Variants in ERBB4 observed in about 807,000 individuals in gnomAD.
ERBB4 encodes erb-b2 receptor tyrosine kinase 4, also known as receptor tyrosine-protein kinase erbB-4.
ERBB4 carries 42 observed loss-of-function variants against 158.0 expected under a neutral mutation model. The ratio of observed to expected loss-of-function variants is 0.27; its 90% CI spans 0.21 to 0.34. The LOEUF (loss-of-function observed/expected upper bound fraction) is 0.34. Ranked by LOEUF, ERBB4 falls within the 10% of genes least tolerant of loss-of-function variation. The pLI, the probability that ERBB4 is intolerant of heterozygous loss-of-function variation, is 1.00. For synonymous variants in ERBB4, 583 were observed against 558.7 expected (o/e 1.04, Z -0.61); for missense variants, 1,333 against 1,624.1 (o/e 0.82, Z 3.08).
chr2:211,515,913 T>TA (rs71054105), intron 20 of ERBB4, among the ~76,000 whole-genome samples: 3,672 of 56,956 alleles, frequency 0.064, 64 homozygotes, highest in South Asian at 0.086. Flanking sequence ...TATATATATA[T>TA]TTTTTTTTTT....
At chr2:211,590,133 G>A (rs1329823765) in intron 19 of ERBB4, among the ~76,000 whole-genome samples, 2 of 152,128 alleles carry the variant, frequency 1.3e-5, no homozygotes, top group Non-Finnish European at 2.9e-5. Context: ...AATATCCATA[G>A]GGATGAAACG....
chr2:211,420,866 A>G (rs2063499794), intron 24 of ERBB4, among the ~76,000 whole-genome samples: 2 of 152,060 alleles, frequency 1.3e-5, no homozygotes, highest in African/African-American at 2.4e-5. Flanking sequence ...AAGCAAAATC[A>G]AAAGATGTTT....
intron 2 of ERBB4, among the ~76,000 whole-genome samples, chr2:211,967,608 G>A (rs550200081): frequency 6.6e-6 from 1 of 151,960 alleles, no homozygotes; most frequent in South Asian, 2.1e-4. Flanking sequence ...CCCTGTGAAA[G>A]GACCAAAATT....
At chr2:212,338,918 TCCTA>T (rs2088572339) in intron 1 of ERBB4, among the ~76,000 whole-genome samples, 1 of 152,124 alleles carries the variant, frequency 6.6e-6, no homozygotes, top group African/African-American at 2.4e-5. Context: ...CACCTCATTC[TCCTA>T]CCTACTATAT....
intron 3 of ERBB4, among the ~76,000 whole-genome samples, chr2:211,896,067 C>T (rs2079089815): frequency 6.6e-6 from 1 of 152,138 alleles, no homozygotes; most frequent in Non-Finnish European, 1.5e-5. Flanking sequence ...TCTTCTCTAC[C>T]TATACTTCCT....
intron 21 of ERBB4, among the ~76,000 whole-genome samples, chr2:211,429,885 A>ACAAATCTTATGTCT (rs1039786244): frequency 3.9e-5 from 6 of 152,232 alleles, no homozygotes; most frequent in African/African-American, 1.4e-4. Flanking sequence ...CTTGCTTTAG[A>ACAAATCTTATGTCT]CAAATCTTAT....
intron 1 of ERBB4, among the ~76,000 whole-genome samples, chr2:212,388,199 A>C (rs1286263659): frequency 1.3e-5 from 2 of 152,122 alleles, no homozygotes; most frequent in Non-Finnish European, 2.9e-5. Flanking sequence ...GAATTTATTA[A>C]AATAGGAAGA....
At chr2:212,434,599 T>C (rs2092097714) in intron 1 of ERBB4, among the ~76,000 whole-genome samples, 1 of 151,960 alleles carries the variant, frequency 6.6e-6, no homozygotes, top group Admixed American at 6.6e-5. Context: ...CCCATTTATA[T>C]ACACACAGAG....
intron 1 of ERBB4, among the ~76,000 whole-genome samples, chr2:212,158,780 G>A (rs924491557): frequency 5.3e-5 from 8 of 151,970 alleles, no homozygotes; most frequent in African/African-American, 1.9e-4. Flanking sequence ...TGAAGGATGT[G>A]TGTTTTGAGG....
intron 4 of ERBB4, among the ~76,000 whole-genome samples, chr2:211,776,985 AC>A (rs1427493134): frequency 6.6e-6 from 1 of 152,074 alleles, no homozygotes; most frequent in Non-Finnish European, 1.5e-5. Flanking sequence ...CTGGGCTCTG[AC>A]TGGGTTGCAT....
At position 211,498,201 on chromosome 2, in the gene ERBB4, C is replaced by G. The variant is rs116116276; in HGVS notation, c.2487+63702G>C. On this transcript the variant is annotated intron_variant, in intron 20 of 27. Transcript: ENST00000342788. ...ATATGGTATGTTGACTTCTTTCAAC[C>G]TAGGAACTTCTATAACTATCAGTGT... Among the ~76,000 whole-genome samples the G allele has an allele frequency of 4.3e-3, 647 of 152,140 alleles. 5 individuals are homozygous for G. The highest frequency in any genetic ancestry group is 0.017 in the Middle Eastern group (5 of 294).
intron 1 of ERBB4, among the ~76,000 whole-genome samples, chr2:212,389,016 G>A (rs2090767737): frequency 6.6e-6 from 1 of 152,086 alleles, no homozygotes; most frequent in Non-Finnish European, 1.5e-5. Flanking sequence ...CAGCTTTTAT[G>A]TGATCTGAGA....
At chr2:211,498,760 A>G (rs953901753) in intron 20 of ERBB4, among the ~76,000 whole-genome samples, 9 of 152,172 alleles carry the variant, frequency 5.9e-5, no homozygotes, top group Non-Finnish European at 1.3e-4. Flanking sequence ...ATTGACAAAG[A>G]GGCCATATGC....
At chr2:211,689,527 T>C (rs778804390) in intron 12 of ERBB4, among the ~76,000 whole-genome samples, 3 of 152,130 alleles carry the variant, frequency 2.0e-5, no homozygotes, top group Non-Finnish European at 4.4e-5. Context: ...AGGTCTTATA[T>C]CACCAGTTCC....
At chr2:211,923,135 G>A (rs931019846) in intron 3 of ERBB4, among the ~76,000 whole-genome samples, 2 of 152,134 alleles carry the variant, frequency 1.3e-5, no homozygotes, top group African/African-American at 4.8e-5. Flanking sequence ...TTTTGCATAT[G>A]AATGAAGTTG....
chr2:211,848,266 G>A (rs1044540804), intron 3 of ERBB4, among the ~76,000 whole-genome samples: 2 of 151,968 alleles, frequency 1.3e-5, no homozygotes, highest in African/African-American at 4.8e-5. Context: ...TGTCATCTGT[G>A]GGATAGGCCA....
At chr2:211,547,873 T>A (rs1222864739) in intron 20 of ERBB4, among the ~76,000 whole-genome samples, 1 of 152,070 alleles carries the variant, frequency 6.6e-6, no homozygotes, top group African/African-American at 2.4e-5. Context: ...CCTTTGCCAT[T>A]TATAGAAAGG....
At chr2:212,470,361 C>A (rs535470955) in intron 1 of ERBB4, among the ~76,000 whole-genome samples, 1 of 152,144 alleles carries the variant, frequency 6.6e-6, no homozygotes, top group East Asian at 1.9e-4. Flanking sequence ...ATTTGAGGAA[C>A]CTATTTTCTG....
intron 20 of ERBB4, among the ~76,000 whole-genome samples, chr2:211,471,116 G>A (rs1174670737): frequency 2.0e-5 from 3 of 152,066 alleles, no homozygotes; most frequent in East Asian, 3.9e-4. Context: ...AAGGAGGCCC[G>A]GGAGGATAAG....
Sources: gnomAD v4.1 joint callset for allele counts (sites outside exome capture counted in the v4.1 genomes callset) on GRCh38, gnomAD v4.1.1 for gene constraint, MANE v1.5 for transcripts, NCBI Gene and HGNC (gene_info 2026-07-23, HGNC 2026-07-21) for gene names.